The following CRLS1 variants were observed in gnomAD, a reference collection of about 807,000 sequenced individuals.
CRLS1 encodes the protein cardiolipin synthase (CMP-forming).
A neutral mutation model predicts 37.0 loss-of-function variants in CRLS1; 24 were observed. The ratio of observed to expected loss-of-function variants is 0.65; its 90% CI spans 0.47 to 0.91. The LOEUF is 0.91. Ranked by LOEUF, CRLS1 falls within the 40% of genes least tolerant of loss-of-function variation. The probability of loss-of-function intolerance (pLI) is 0.00; values close to 1 mark genes in which losing one functional copy is unlikely to be tolerated. For missense variants in CRLS1, 373 were observed against 395.8 expected (o/e 0.94, Z 0.49); for synonymous variants, 135 against 159.7 (o/e 0.85, Z 1.17).
chr20:6,026,020 C>T (rs776095279), intron 3 of CRLS1, among the ~76,000 whole-genome samples: 2 of 152,198 alleles, frequency 1.3e-5, no homozygotes, highest in South Asian at 2.1e-4. Flanking sequence ...TGGATAAGGC[C>T]GCTGCAGGGC....
chr20:6,033,233 G>A (rs973796013), intron 5 of CRLS1, among the ~76,000 whole-genome samples: 17 of 151,798 alleles, frequency 1.1e-4, no homozygotes, highest in East Asian at 1.9e-4. Context: ...GGGTTCAAGC[G>A]ATTCTCCTGC....
At position 6,034,569 on chromosome 20, in the gene CRLS1, A is replaced by G. The variant is rs1375369758; in HGVS notation, c.821+14A>G. The stretch of plus-strand genomic sequence containing the variant: ...TCAGATACTATGGTAAGCTAAATTT[A>G]GAATCACTCTCTTAGAATGTCAACA... On this transcript the variant is annotated intron_variant, in intron 6 of 6. Transcript: ENST00000378863. The G allele has an allele frequency of 3.2e-6, 5 of 1,540,100 alleles. No homozygotes were observed. The highest frequency in any genetic ancestry group is 4.5e-6 in the Non-Finnish European group (5 of 1,115,858).
chr20:6,030,309 T>A (rs1250792685), intron 3 of CRLS1, among the ~76,000 whole-genome samples: 4 of 152,178 alleles, frequency 2.6e-5, no homozygotes, highest in Non-Finnish European at 5.9e-5. Context: ...CTATTGGCTA[T>A]GGCTCTGGGA....
At chr20:6,008,189 T>G (rs1343585174) in intron 1 of CRLS1, among the ~76,000 whole-genome samples, 1 of 149,346 alleles carries the variant, frequency 6.7e-6, no homozygotes, top group Admixed American at 6.7e-5. Flanking sequence ...TTTGCCACCT[T>G]TTTTACAACC....
Position 6,015,326 on chromosome 20 carries a change from C to T in CRLS1, c.445-35C>T, listed in dbSNP as rs1978654411. On this transcript the variant is annotated intron_variant, in intron 2 of 6. Transcript: ENST00000378863. ...AATATCTGCTTTGTTCCTGTTATGACATTTATATATATAAAAAAAAACTTC... is the reference window on the plus strand; with the variant it reads ...AATATCTGCTTTGTTCCTGTTATGATATTTATATATATAAAAAAAAACTTC... The T allele has an allele frequency of 5.6e-6, 8 of 1,426,044 alleles. 1 individual carries two copies. The highest frequency in any genetic ancestry group is 3.8e-6 in the Non-Finnish European group (4 of 1,040,884). The allele number at this position is 1,426,044 out of a possible 1,614,324, so 88.3% of individuals were successfully genotyped here.
Position 6,029,465 on chromosome 20 carries a change from G to A in CRLS1, c.575-1820G>A, listed in dbSNP as rs113866896. Among the ~76,000 whole-genome samples the A allele has an allele frequency of 4.0e-5, 6 of 150,840 alleles. No homozygotes were observed. The South Asian group carries it at 1.0e-3, about 26-fold the overall frequency. On this transcript the variant is annotated intron_variant, in intron 3 of 6. Transcript: ENST00000378863. Reference sequence around the variant, plus strand: ...CTGCAGCCTCTGCCTCCTGGCAAGCGATTCTCCTGCCTCAGCCTCCCAAAT... The same window carrying A: ...CTGCAGCCTCTGCCTCCTGGCAAGCAATTCTCCTGCCTCAGCCTCCCAAAT...
chr20:6,031,175 T>C, intron 3 of CRLS1, 110 bp from the exon 4 acceptor site: 1 of 635,258 alleles, frequency 1.6e-6, no homozygotes, highest in Non-Finnish European at 2.5e-6. Flanking sequence ...AAATTTCTAT[T>C]TGTGAAAACA....
Position 6,037,057 on chromosome 20 carries a change from C to A in CRLS1, c.822-17C>A, listed in dbSNP as rs773825287. On this transcript the variant is annotated splice_polypyrimidine_tract_variant and intron_variant, in intron 6 of 6. Coordinates refer to ENST00000378863, the MANE Select transcript of CRLS1 (RefSeq NM_019095.6). ...TAGACTTGACAACTACATTTTATTTCTTTTCTTCCATAAAAGGTGTTTTAC... is the reference window on the plus strand; with the variant it reads ...TAGACTTGACAACTACATTTTATTTATTTTCTTCCATAAAAGGTGTTTTAC... 1.9e-6 allele frequency: 3 copies of A among 1,586,578 alleles called. No individual in the cohort carries two copies. The highest frequency in any genetic ancestry group is 2.6e-6 in the Non-Finnish European group (3 of 1,158,020).
At chr20:6,029,167 T>C (rs1847019382) in intron 3 of CRLS1, among the ~76,000 whole-genome samples, 1 of 151,470 alleles carries the variant, frequency 6.6e-6, no homozygotes, top group South Asian at 2.1e-4. Flanking sequence ...CTCTTTCCCC[T>C]ACCAGATGGT....
At position 6,006,197 on chromosome 20, in the gene CRLS1, A is replaced by G. The variant is rs1037573761; in HGVS notation, c.-50A>G. Reference sequence around the variant, plus strand: ...TGGAGAAGCGGCTCGCCAGTGTCCCAGGCTGCTGAGCTCTCGCCGCCCGAG... The same window carrying G: ...TGGAGAAGCGGCTCGCCAGTGTCCCGGGCTGCTGAGCTCTCGCCGCCCGAG... On this transcript the variant is annotated 5_prime_UTR_variant, in exon 1 of 7. Coordinates refer to ENST00000378863, the MANE Select transcript of CRLS1 (RefSeq NM_019095.6). The G allele has an allele frequency of 1.7e-4, 191 of 1,099,572 alleles. No homozygotes were observed. In the African/African-American group the frequency reaches 3.0e-3, roughly 17 times the overall value. 68.1% of individuals were successfully genotyped at this position (1,099,572 alleles called of 1,614,324 possible).
At chr20:6,031,683 C>A (rs1448301157) in intron 4 of CRLS1, among the ~76,000 whole-genome samples, 1 of 152,158 alleles carries the variant, frequency 6.6e-6, no homozygotes, top group East Asian at 1.9e-4. Context: ...AGCATATTAA[C>A]CTCTTTTGGC....
chr20:6,008,090 C>CTT (rs11479572), intron 1 of CRLS1, among the ~76,000 whole-genome samples: 14,714 of 138,358 alleles, frequency 0.11, 1,098 homozygotes, highest in Non-Finnish European at 0.14. Context: ...TTAGAGAATA[C>CTT]TTTTTTTTTT....
chr20:6,034,773 ATG>A (rs113640254), intron 6 of CRLS1, among the ~76,000 whole-genome samples: 2,491 of 152,342 alleles, frequency 0.016, 74 homozygotes, highest in African/African-American at 0.056. Context: ...GGTACTGATA[ATG>A]TGTTAAGGGT....
At chr20:6,010,414 A>G (rs6107735) in intron 2 of CRLS1, among the ~76,000 whole-genome samples, 6,459 of 152,282 alleles carry the variant, frequency 0.042, 152 homozygotes, top group Admixed American at 0.065. Context: ...ATGCTAGCAG[A>G]AGGCTGTAGG....
At chr20:6,036,028 C>A (rs1265959106) in intron 6 of CRLS1, among the ~76,000 whole-genome samples, 1 of 152,140 alleles carries the variant, frequency 6.6e-6, no homozygotes, top group Non-Finnish European at 1.5e-5. Flanking sequence ...TGGTCTCGAA[C>A]TCCTGGCCTC....
rs77363383 is a variant in CRLS1, at chr20:6,017,756, G to T, written c.574+2266G>T. The stretch of plus-strand genomic sequence containing the variant: ...ACTTATGATCTGTTTGGAGGAATTT[G>T]CATCTTTACAATGTTAAGTCTTCCA... On this transcript the variant is annotated intron_variant, in intron 3 of 6. Transcript: ENST00000378863. Among the ~76,000 whole-genome samples, 1,283 of 152,280 alleles carry T rather than the reference G, an allele frequency of 8.4e-3. 16 individuals are homozygous for T. Among genetic ancestry groups the T allele is most frequent in the African/African-American group, 0.029 (1,224 of 41,548 alleles).
intron 3 of CRLS1, among the ~76,000 whole-genome samples, chr20:6,029,068 T>C (rs1474026042): frequency 6.6e-6 from 1 of 152,180 alleles, no homozygotes; most frequent in East Asian, 1.9e-4. Context: ...AGAGGAGAGC[T>C]TTCATCTAGG....
At chr20:6,030,356 T>C (rs539402075) in intron 3 of CRLS1, among the ~76,000 whole-genome samples, 133 of 152,182 alleles carry the variant, frequency 8.7e-4, no homozygotes, top group African/African-American at 3.1e-3. Flanking sequence ...GACAAAAATA[T>C]TGACAAGTTG....
chr20:6,037,074 G>A lies in CRLS1; in HGVS notation c.822G>A (p.Trp274Ter). 1 of 1,607,646 alleles carries A rather than the reference G, an allele frequency of 6.2e-7. No homozygotes were observed. The highest frequency in any genetic ancestry group is 8.5e-7 in the Non-Finnish European group (1 of 1,175,762). ...YADSIYLQIL[W>*]CFTAFTTAAS... is the part of the protein sequence containing the mutation. ...TTTTATTTCTTTTCTTCCATAAAAG[G>A]TGTTTTACAGCTTTCACCACAGCTG... Residue 274 changes from tryptophan (W) to a stop codon, truncating the protein, a stop_gained and splice_region_variant, in exon 7 of 7, where the codon TGG (tryptophan) becomes TGA (stop). Coordinates refer to ENST00000378863, the MANE Select transcript of CRLS1 (RefSeq NM_019095.6). LOFTEE classifies it high-confidence loss of function.
Sources: allele counts gnomAD v4.1 joint callset (sites outside exome capture counted in the v4.1 genomes callset), GRCh38; gene constraint gnomAD v4.1.1; transcripts MANE v1.5; gene names NCBI Gene and HGNC (gene_info 2026-07-23, HGNC 2026-07-21).